Variants in CCNT1 observed in about 807,000 individuals in gnomAD.
The protein encoded by CCNT1 is cyclin-T1.
Under a neutral mutation model 67.3 loss-of-function variants are expected in CCNT1, and 18 were observed. That is an observed-to-expected ratio of 0.27 (90% CI 0.18 to 0.40). The LOEUF is 0.40. CCNT1 is among the 10% of genes least tolerant of loss of function. CCNT1 has a pLI of 1.00. For synonymous variants in CCNT1, 333 were observed against 310.3 expected (o/e 1.07, Z -0.77); for missense variants, 744 against 884.9 (o/e 0.84, Z 2.02).
intron 1 of CCNT1, among the ~76,000 whole-genome samples, chr12:48,715,273 T>C (rs1399650431): frequency 1.3e-5 from 2 of 152,106 alleles, no homozygotes; most frequent in African/African-American, 4.8e-5. Flanking sequence ...AGACACCCAT[T>C]TTGAGATGAA....
chr12:48,697,487 C>T (rs1940188020), intron 6 of CCNT1, among the ~76,000 whole-genome samples: 1 of 145,380 alleles, frequency 6.9e-6, no homozygotes, highest in Non-Finnish European at 1.5e-5. Context: ...CGCACCACTT[C>T]AGTCCAGCCT....
chr12:48,706,129 G>C (rs1392958421), intron 2 of CCNT1, among the ~76,000 whole-genome samples: 1 of 151,766 alleles, frequency 6.6e-6, no homozygotes, highest in Non-Finnish European at 1.5e-5. Context: ...GCTGTCTATG[G>C]GAGAAGCTAC....
At chr12:48,711,937 C>T (rs994796457) in intron 2 of CCNT1, among the ~76,000 whole-genome samples, 5 of 152,142 alleles carry the variant, frequency 3.3e-5, no homozygotes, top group African/African-American at 1.2e-4. Flanking sequence ...GGACTACAGG[C>T]GCCCACCGCC....
Position 48,714,531 on chromosome 12 carries a change from T to A in CCNT1, c.162-7A>T, listed in dbSNP as rs774739874. The A allele has an allele frequency of 1.9e-6, 3 of 1,595,092 alleles. No individual in the cohort carries two copies. On this transcript the variant is annotated splice_region_variant and splice_polypyrimidine_tract_variant and intron_variant, in intron 1 of 8. Transcript: ENST00000261900. Reference sequence around the variant, plus strand: ...GTTGATAGTCAATTGTGAGCTGAAGTGTTCAAGTTAAGATCCAAAAACAGG... The same window carrying A: ...GTTGATAGTCAATTGTGAGCTGAAGAGTTCAAGTTAAGATCCAAAAACAGG...
At position 48,694,121 on chromosome 12, in the gene CCNT1, G is replaced by A; in HGVS notation, c.1093C>T (p.Pro365Ser). Residue 365 changes from proline (P) to serine (S), a missense_variant, in exon 9 of 9, where the codon CCA (proline) becomes TCA (serine). Physicochemically the swap from Pro to Ser is moderately conservative, Grantham distance 74 (BLOSUM62 -1). Coordinates refer to ENST00000261900, the MANE Select transcript of CCNT1 (RefSeq NM_001240.4). Reference protein sequence around the residue: ...LALTGVDHSLPQDGSNAFISQ... With the variant: ...LALTGVDHSLSQDGSNAFISQ... The stretch of plus-strand genomic sequence containing the variant: ...ATAAATGCATTTGAACCATCCTGTG[G>A]TAAGGAATGATCAACTCCTGTAAGT... 1.2e-6 allele frequency: 2 copies of A among 1,614,172 alleles called. No homozygotes were observed. The highest frequency in any genetic ancestry group is 1.1e-5 in the South Asian group (1 of 91,090).
chr12:48,713,097 T>G (rs1328056956), intron 2 of CCNT1, among the ~76,000 whole-genome samples: 1 of 152,098 alleles, frequency 6.6e-6, no homozygotes, highest in African/African-American at 2.4e-5. Context: ...CCATTTCAAA[T>G]AGCTACACTG....
At chr12:48,701,614 CTTTTTTT>C (rs923849978) in intron 3 of CCNT1, among the ~76,000 whole-genome samples, 2 of 145,946 alleles carry the variant, frequency 1.4e-5, no homozygotes, top group African/African-American at 2.5e-5. Flanking sequence ...TTTCTTTTTT[CTTTTTTT>C]TTTGAGTTGG....
intron 3 of CCNT1, among the ~76,000 whole-genome samples, chr12:48,705,245 G>A (rs960278025): frequency 6.6e-6 from 1 of 152,002 alleles, no homozygotes; most frequent in East Asian, 1.9e-4. Flanking sequence ...CCAAGTAGCT[G>A]GGACTAAAGA....
chr12:48,700,048 G>C (rs569519495), intron 4 of CCNT1, among the ~76,000 whole-genome samples: 64 of 152,046 alleles, frequency 4.2e-4, no homozygotes, highest in South Asian at 4.1e-4. Flanking sequence ...GGCTGGGCGC[G>C]GTGGATCAAG....
At chr12:48,701,905 CT>C (rs1479366514) in intron 3 of CCNT1, among the ~76,000 whole-genome samples, 2 of 148,508 alleles carry the variant, frequency 1.3e-5, no homozygotes, top group Non-Finnish European at 3.0e-5. Flanking sequence ...CGCACCCGGC[CT>C]TTTTTTTTGA....
intron 2 of CCNT1, among the ~76,000 whole-genome samples, chr12:48,708,438 T>C (rs1294891093): frequency 2.6e-5 from 4 of 151,756 alleles, no homozygotes; most frequent in African/African-American, 9.7e-5. Context: ...TCCCAGCTAC[T>C]TGGGAGGCTG....
In CCNT1 at chr12:48,693,142, A is replaced by G; in HGVS notation, c.2072T>C (p.Leu691Pro). Reference protein sequence around the residue: ...FEFVRPYSDYLNPRSGGISSR... With the variant: ...FEFVRPYSDYPNPRSGGISSR... ...GGAGATTCCACCAGACCGAGGATTC[A>G]GATAGTCACTATAAGGACGAACAAA... Residue 691 changes from leucine to proline, a missense_variant, in exon 9 of 9, where the codon CTG (leucine) becomes CCG (proline). Leu to Pro is a moderately conservative substitution (Grantham distance 98). Transcript: ENST00000261900. The G allele has an allele frequency of 6.2e-7, 1 of 1,614,190 alleles. No homozygotes were observed. The highest frequency in any genetic ancestry group is 2.2e-5 in the East Asian group (1 of 44,884).
intron 5 of CCNT1, among the ~76,000 whole-genome samples, chr12:48,699,559 T>C (rs1307041280): frequency 6.6e-6 from 1 of 152,230 alleles, no homozygotes; most frequent in Non-Finnish European, 1.5e-5. Context: ...TTGACAAACA[T>C]TCTCAAGAGG....
chr12:48,710,570 C>T (rs549742901), intron 2 of CCNT1, among the ~76,000 whole-genome samples: 1 of 152,208 alleles, frequency 6.6e-6, no homozygotes, highest in East Asian at 1.9e-4. Context: ...CAGCTTGAGG[C>T]CAGGAGTTTG....
rs1161428659 is a variant in CCNT1, at chr12:48,691,737, A to G, written c.*1296T>C. ...AGGCTTTGCTCATTCTCATGGCACCAGTACTGTTAAATTCACAAGCTCCAA... is the reference window on the plus strand; with the variant it reads ...AGGCTTTGCTCATTCTCATGGCACCGGTACTGTTAAATTCACAAGCTCCAA... On this transcript the variant is annotated 3_prime_UTR_variant, in exon 9 of 9. Coordinates refer to ENST00000261900, the MANE Select transcript of CCNT1 (RefSeq NM_001240.4). The G allele has an allele frequency of 6.6e-6, 1 of 152,232 alleles. No homozygotes were observed. The highest frequency in any genetic ancestry group is 2.4e-5 in the African/African-American group (1 of 41,458). 9.4% of individuals were successfully genotyped at this position (152,232 alleles called of 1,614,324 possible).
chr12:48,705,722 G>T (rs765699003), intron 3 of CCNT1, 46 bp downstream of exon 3: 1 of 1,533,086 alleles, frequency 6.5e-7, no homozygotes, highest in Non-Finnish European at 8.9e-7. Flanking sequence ...GAAAAAAAAA[G>T]AAAGGAAAAA....
chr12:48,696,880 T>A (rs536709442), intron 6 of CCNT1, among the ~76,000 whole-genome samples: 12 of 152,202 alleles, frequency 7.9e-5, no homozygotes, highest in Non-Finnish European at 1.8e-4. Flanking sequence ...TCACCCAGGC[T>A]GCAGTGCAGT....
chr12:48,694,506 A>G, intron 8 of CCNT1, 70 bp from the exon 9 acceptor site: 1 of 1,396,790 alleles, frequency 7.2e-7, no homozygotes, highest in Non-Finnish European at 9.8e-7. Flanking sequence ...AGATGAGTAG[A>G]TTGTACTTGC....
At chr12:48,699,511 T>C (rs1403946444) in intron 5 of CCNT1, among the ~76,000 whole-genome samples, 1 of 152,212 alleles carries the variant, frequency 6.6e-6, no homozygotes, top group Non-Finnish European at 1.5e-5. Flanking sequence ...ACAACTTTCA[T>C]AAAATTTCTG....
Sources: allele counts gnomAD v4.1 joint callset (sites outside exome capture counted in the v4.1 genomes callset), GRCh38; gene constraint gnomAD v4.1.1; transcripts MANE v1.5; gene names NCBI Gene and HGNC (gene_info 2026-07-23, HGNC 2026-07-21).